The following ARAP3 variants were observed in gnomAD, a reference collection of about 807,000 sequenced individuals.
The protein encoded by ARAP3 is ArfGAP with RhoGAP domain, ankyrin repeat and PH domain 3, also known as arf-GAP with Rho-GAP domain, ANK repeat and PH domain-containing protein 3.
Under a neutral mutation model 169.2 loss-of-function variants are expected in ARAP3, and 82 were observed. The ratio of observed to expected loss-of-function variants is 0.48; its 90% CI spans 0.41 to 0.58. The LOEUF (loss-of-function observed/expected upper bound fraction) is 0.58, where lower values mean the gene tolerates loss of function less well. ARAP3 is among the 20% of genes least tolerant of loss of function. The pLI, the probability that ARAP3 is intolerant of heterozygous loss-of-function variation, is 0.00. For missense variants in ARAP3, 1,764 were observed against 2,018.0 expected, an observed-to-expected ratio of 0.87 and a Z score of 2.41; for synonymous variants, 791 against 800.3, an observed-to-expected ratio of 0.99 and a Z score of 0.20.
Position 141,672,063 on chromosome 5 carries a change from C to T in ARAP3, c.1585+39G>A. The stretch of plus-strand genomic sequence containing the variant: ...GGTACCCTGAGCCCTCTAGTCCCAG[C>T]CCTCCTGTTCCCCACATGGGCTTGA... On this transcript the variant is annotated intron_variant, in intron 10 of 32. Coordinates refer to ENST00000239440, the MANE Select transcript of ARAP3 (RefSeq NM_022481.6). The surrounding 1 kb of genome is among the most constrained non-coding windows in gnomAD (Gnocchi z 4.9). 1 of 1,614,004 alleles carries T rather than the reference C, an allele frequency of 6.2e-7. No homozygotes were observed. Among genetic ancestry groups the T allele is most frequent in the Non-Finnish European group, 8.5e-7 (1 of 1,179,902 alleles).
Position 141,679,793 on chromosome 5 carries a change from G to T in ARAP3, c.554C>A (p.Pro185His), listed in dbSNP as rs77275946. 0.019 allele frequency: 31,179 copies of T among 1,613,474 alleles called. 346 individuals carry two copies. Among genetic ancestry groups the T allele is most frequent in the African/African-American group, 0.035 (2,636 of 74,966 alleles). Residue 185 changes from proline (P) to histidine (H), a missense_variant, in exon 3 of 33, where the codon CCC (proline) becomes CAC (histidine). This residue lies in a region of ARAP3 where 630 missense variants were observed against 678.7 expected (regional missense o/e 0.93). Transcript: ENST00000239440. Reference protein sequence around the residue: ...KAPDSSQISAPTPALRPTTGT... With the variant: ...KAPDSSQISAHTPALRPTTGT... Reference sequence around the variant, plus strand: ...TGTTGTGGGCCTGAGGGCAGGGGTGGGGGCAGAGATTTGGGAGCTGTCTGG... The same window carrying T: ...TGTTGTGGGCCTGAGGGCAGGGGTGTGGGCAGAGATTTGGGAGCTGTCTGG...
At position 141,668,862 on chromosome 5, in the gene ARAP3, G is replaced by A. The variant is rs78577806; in HGVS notation, c.2352+847C>T. Among the ~76,000 whole-genome samples the A allele has an allele frequency of 1.4e-4, 21 of 152,318 alleles. No homozygotes were observed. In the East Asian group the frequency reaches 2.1e-3, roughly 15 times the overall value. ...AGCAGTTCAGGAGGGCATGGGCAGA[G>A]GAGGGTAGCTGCAAGGGGTCAAAGG... On this transcript the variant is annotated intron_variant, in intron 16 of 32. Transcript: ENST00000239440.
Position 141,672,924 on chromosome 5 carries a change from A to ATCATGGG in ARAP3, c.1094_1095insCCCATGA (p.Gln366ProfsTer2). The ATCATGGG allele has an allele frequency of 6.2e-7, 1 of 1,611,696 alleles. No individual in the cohort carries two copies. Among genetic ancestry groups the ATCATGGG allele is most frequent in the Non-Finnish European group, 8.5e-7 (1 of 1,178,788 alleles). On this transcript the variant is annotated stop_gained and frameshift_variant and splice_region_variant, in exon 8 of 33. Coordinates refer to ENST00000239440, the MANE Select transcript of ARAP3 (RefSeq NM_022481.6). LOFTEE classifies it high-confidence loss of function. The surrounding 1 kb of genome is among the most constrained non-coding windows in gnomAD (Gnocchi z 4.9). ...GCGTGGAGCACCACATGTCCCGCTG[A>ATCATGGG]GCTGGTGGGGATGGAGAAGCAGGTC...
chr5:141,670,867 A>C (rs912438014), intron 13 of ARAP3, among the ~76,000 whole-genome samples: 3 of 152,218 alleles, frequency 2.0e-5, no homozygotes, highest in African/African-American at 2.4e-5. Flanking sequence ...CCTACCAGCC[A>C]GCCAACCAGG....
At position 141,653,660 on chromosome 5, in the gene ARAP3, T is replaced by G. The variant is rs2099908817; in HGVS notation, c.*290A>C. ...CAAATATATAAAGCAGGAGCTGCCC[T>G]TGTTCAGGGATAATATGTGGGGCTT... is the stretch of plus-strand genomic sequence containing the variant. On this transcript the variant is annotated 3_prime_UTR_variant, in exon 33 of 33. Coordinates refer to ENST00000239440, the MANE Select transcript of ARAP3 (RefSeq NM_022481.6). The G allele has an allele frequency of 3.3e-6, 1 of 305,742 alleles. No homozygotes were observed. The highest frequency in any genetic ancestry group is 1.5e-4 in the South Asian group (1 of 6,852). 18.9% of individuals were successfully genotyped at this position (305,742 alleles called of 1,614,324 possible).
intron 4 of ARAP3, 148 bp from the exon 5 acceptor site, chr5:141,673,956 CTTCTTT>C: frequency 4.1e-5 from 22 of 541,022 alleles, no homozygotes; most frequent in African/African-American, 3.5e-4. Flanking sequence ...CTTTTCTTTT[CTTCTTT>C]TTTTTTTTTT....
In ARAP3 at chr5:141,654,372, C is replaced by G; in HGVS notation, c.4213G>C (p.Glu1405Gln). ...QEELEEPVYE[E>Q]PVYEEVGAFP... ...GCCCCTACTTCCTCATACACTGGCT[C>G]CTCGTACACAGGCTCCTCCAGCTCC... Residue 1405 changes from glutamate to glutamine, a missense_variant, in exon 33 of 33, where the codon GAG (glutamate) becomes CAG (glutamine). Around this residue, in one of 3 missense-constraint regions of ARAP3, gnomAD observed 1,112 missense variants for 1,285.7 expected, o/e 0.86. Transcript: ENST00000239440. 1 of 1,613,480 alleles carries G rather than the reference C, an allele frequency of 6.2e-7. No homozygotes were observed.
chr5:141,680,010 G>C lies in ARAP3; in HGVS notation c.477C>G (p.Ile159Met). Residue 159 changes from isoleucine (I) to methionine (M), a missense_variant, in exon 2 of 33, where the codon ATC becomes ATG. Ile to Met is a conservative substitution (Grantham distance 10). This residue lies in a region of ARAP3 where 630 missense variants were observed against 678.7 expected (regional missense o/e 0.93). Coordinates refer to ENST00000239440, the MANE Select transcript of ARAP3 (RefSeq NM_022481.6). ...LNTVEMMPNS[I>M]YFGLDSRGRA... The stretch of plus-strand genomic sequence containing the variant: ...TGCCTCTTGAGTCCAGGCCGAAGTA[G>C]ATGGAATTAGGCATCATCTCCACAG... The C allele has an allele frequency of 6.2e-7, 1 of 1,614,202 alleles. No homozygotes were observed. The highest frequency in any genetic ancestry group is 1.1e-5 in the South Asian group (1 of 91,080).
At chr5:141,658,786 G>T in intron 23 of ARAP3, 133 bp from the exon 24 acceptor site, 1 of 753,340 alleles carries the variant, frequency 1.3e-6, no homozygotes, top group Non-Finnish European at 2.1e-6. Context: ...TGTCACTCAG[G>T]CTCTTAAAAG....
chr5:141,673,520 G>A, intron 5 of ARAP3, 50 bp from the exon 6 acceptor site: 1 of 1,613,684 alleles, frequency 6.2e-7, no homozygotes, highest in Non-Finnish European at 8.5e-7. Flanking sequence ...ATGGGGTTAG[G>A]GGGATCATAG....
At chr5:141,677,927 G>A (rs1473057494) in intron 4 of ARAP3, among the ~76,000 whole-genome samples, 1 of 151,322 alleles carries the variant, frequency 6.6e-6, no homozygotes, top group Non-Finnish European at 1.5e-5. Context: ...TGGGACTACA[G>A]GTGTGCGCCA....
At chr5:141,658,723 C>A in intron 23 of ARAP3, 70 bp from the exon 24 acceptor site, 1 of 1,335,960 alleles carries the variant, frequency 7.5e-7, no homozygotes. Flanking sequence ...CAGAGGGTTC[C>A]TCGTGTTGCC....
Position 141,679,664 on chromosome 5 carries a change from G to A in ARAP3, c.587-8C>T. 1 of 1,614,046 alleles carries A rather than the reference G, an allele frequency of 6.2e-7. No homozygotes were observed. Among genetic ancestry groups the A allele is most frequent in the Non-Finnish European group, 8.5e-7 (1 of 1,179,940 alleles). ...CAGGATCCATGATGTGCACTGGCAG[G>A]AGGAGAGGGGAACGCACAAGGAAGA... On this transcript the variant is annotated splice_region_variant and splice_polypyrimidine_tract_variant and intron_variant, in intron 3 of 32. Coordinates refer to ENST00000239440, the MANE Select transcript of ARAP3 (RefSeq NM_022481.6).
chr5:141,679,086 C>T (rs914511155), intron 4 of ARAP3, among the ~76,000 whole-genome samples: 13 of 152,148 alleles, frequency 8.5e-5, no homozygotes, highest in African/African-American at 2.9e-4. Flanking sequence ...GTCAGGAGTT[C>T]GAGACCAGCC....
In ARAP3 at chr5:141,672,869, G is replaced by C; in HGVS notation, c.1150C>G (p.Leu384Val). The C allele has an allele frequency of 1.2e-6, 2 of 1,606,226 alleles. No homozygotes were observed. Among genetic ancestry groups the C allele is most frequent in the African/African-American group, 2.7e-5 (2 of 74,904 alleles). Residue 384 changes from leucine to valine, a missense_variant, in exon 8 of 33, where the codon CTG becomes GTG. Physicochemically the swap from Leu to Val is conservative, Grantham distance 32 (BLOSUM62 1). Coordinates refer to ENST00000239440, the MANE Select transcript of ARAP3 (RefSeq NM_022481.6). This position sits in a 1 kb window ranked among gnomAD's most constrained non-coding sequence, Gnocchi z 4.9. ...GGTTGGGGGGGCCGGGGGTGGCCCAGGAGGCGCTGCTCCTTCAGACAGGAC... is the reference window on the plus strand; with the variant it reads ...GGTTGGGGGGGCCGGGGGTGGCCCACGAGGCGCTGCTCCTTCAGACAGGAC... ...LQSCLKEQRL[L>V]GHPRPPQPPR...
chr5:141,658,669 A>T lies in ARAP3; in HGVS notation c.3337-16T>A, dbSNP rs1308131753. 3 of 1,572,648 alleles carry T rather than the reference A, an allele frequency of 1.9e-6. No homozygotes were observed. Among genetic ancestry groups the T allele is most frequent in the African/African-American group, 2.8e-5 (2 of 72,294 alleles). On this transcript the variant is annotated splice_polypyrimidine_tract_variant and intron_variant, in intron 23 of 32. Coordinates refer to ENST00000239440, the MANE Select transcript of ARAP3 (RefSeq NM_022481.6). ...CCTGAGACAGCTGAGGGGAGGGGTA[A>T]AAAAGTCAGAAGGGCAAAAAAAGGG...
At position 141,671,671 on chromosome 5, in the gene ARAP3, C is replaced by A. The variant is rs776391407; in HGVS notation, c.1753G>T (p.Ala585Ser). The A allele has an allele frequency of 5.0e-6, 8 of 1,613,660 alleles. No individual in the cohort carries two copies. The highest frequency in any genetic ancestry group is 5.9e-6 in the Non-Finnish European group (7 of 1,179,790). Residue 585 changes from alanine to serine, a missense_variant, in exon 12 of 33, where the codon GCG becomes TCG. By Grantham distance (99) the Ala-to-Ser change is moderately conservative (BLOSUM62 1). Coordinates refer to ENST00000239440, the MANE Select transcript of ARAP3 (RefSeq NM_022481.6). The surrounding 1 kb of genome is among the most constrained non-coding windows in gnomAD (Gnocchi z 4.9). ...AACTCTCCCCGGGGGCCAGGGGTCG[C>A]ATCTGGATGTAGTCCCTCACCTGGG... is the stretch of plus-strand genomic sequence containing the variant. ...LPPGEGLHPD[A>S]TPGPRGEFIS...
intron 14 of ARAP3, 51 bp from the exon 15 acceptor site, chr5:141,670,114 C>A (rs565142651): frequency 1.3e-6 from 2 of 1,571,172 alleles, no homozygotes; most frequent in Non-Finnish European, 1.7e-6. Flanking sequence ...CCCCCACTGT[C>A]ATAGTTCCAG....
At position 141,654,376 on chromosome 5, in the gene ARAP3, G is replaced by T; in HGVS notation, c.4209C>A (p.Tyr1403Ter). Residue 1403 changes from tyrosine (Y) to a stop codon, truncating the protein, a stop_gained, in exon 33 of 33, where the codon TAC (tyrosine) becomes TAA (stop). Coordinates refer to ENST00000239440, the MANE Select transcript of ARAP3 (RefSeq NM_022481.6). LOFTEE classifies it high-confidence loss of function. ...CTACTTCCTCATACACTGGCTCCTC[G>T]TACACAGGCTCCTCCAGCTCCTCTT... ...EEQEELEEPV[Y>*]EEPVYEEVGA... The T allele has an allele frequency of 6.2e-7, 1 of 1,613,094 alleles. No homozygotes were observed. Among genetic ancestry groups the T allele is most frequent in the Non-Finnish European group, 8.5e-7 (1 of 1,179,520 alleles).
Sources: allele counts gnomAD v4.1 joint callset (sites outside exome capture counted in the v4.1 genomes callset), GRCh38; gene constraint gnomAD v4.1.1; regional missense constraint gnomAD v4.1.1; non-coding constraint Gnocchi (gnomAD v3.1); transcripts MANE v1.5; gene names NCBI Gene and HGNC (gene_info 2026-07-23, HGNC 2026-07-21).